Variants in GPHN observed in about 807,000 individuals in gnomAD.
GPHN encodes the protein gephyrin.
A neutral mutation model predicts 95.5 loss-of-function variants in GPHN; 17 were observed. The ratio of observed to expected loss-of-function variants is 0.18; its 90% CI spans 0.12 to 0.27. The LOEUF is 0.27. Among genes scored for constraint, GPHN ranks in the 10% least tolerant of loss-of-function variants. GPHN has a pLI of 1.00. For missense variants in GPHN, 660 were observed against 978.1 expected (o/e 0.67, Z 4.34); for synonymous variants, 320 against 322.5 (o/e 0.99, Z 0.08).
At chr14:66,728,403 T>C (rs1026317405) in intron 2 of GPHN, among the ~76,000 whole-genome samples, 1 of 152,176 alleles carries the variant, frequency 6.6e-6, no homozygotes, top group South Asian at 2.1e-4. Context: ...ACTGATAGCT[T>C]ATACTGTGCA....
At chr14:67,575,917 G>A in the GPHN span, 2 of 1,613,746 alleles carry the variant, frequency 1.2e-6, no homozygotes, top group Non-Finnish European at 1.7e-6. Context: ...GGAGGAACCA[G>A]ACGGTTGCTT....
chr14:67,620,981 T>TAA, the GPHN span: 1 of 1,612,884 alleles, frequency 6.2e-7, no homozygotes, highest in East Asian at 2.2e-5. Flanking sequence ...GTGGTTAGAT[T>TAA]TTTAGATATT....
At chr14:67,325,933 C>T in the GPHN span, among the ~76,000 whole-genome samples, 28 of 151,146 alleles carry the variant, frequency 1.9e-4, no homozygotes, top group South Asian at 1.0e-3. Flanking sequence ...CTCAGCCTCC[C>T]GAGTAGCTGG....
At chr14:66,882,768 T>C (rs181405291) in intron 5 of GPHN, among the ~76,000 whole-genome samples, 1 of 151,800 alleles carries the variant, frequency 6.6e-6, no homozygotes, top group East Asian at 1.9e-4. Context: ...TTTTCTTCAT[T>C]AGGAAATGTC....
chr14:67,600,331 T>G, the GPHN span: 1 of 776,532 alleles, frequency 1.3e-6, no homozygotes, highest in Non-Finnish European at 1.9e-6. Flanking sequence ...CTGCGCAGCC[T>G]CAGTTGCGCG....
At chr14:67,352,028 T>C in the GPHN span, among the ~76,000 whole-genome samples, 1 of 151,766 alleles carries the variant, frequency 6.6e-6, no homozygotes, top group Admixed American at 6.6e-5. Context: ...CTAACACCTG[T>C]AATCCCAGTG....
the GPHN span, among the ~76,000 whole-genome samples, chr14:67,317,791 C>CAAT: frequency 6.6e-6 from 1 of 152,202 alleles, no homozygotes; most frequent in Non-Finnish European, 1.5e-5. Context: ...ATGTCCTCTA[C>CAAT]AATAGCTCAT....
At chr14:67,663,599 A>G in the GPHN span, among the ~76,000 whole-genome samples, 23 of 152,176 alleles carry the variant, frequency 1.5e-4, no homozygotes, top group African/African-American at 5.5e-4. Context: ...GTGTGAACCC[A>G]GGAGGCGGAG....
chr14:66,837,610 AATAAAAAT>A (rs1196890777), intron 4 of GPHN, among the ~76,000 whole-genome samples: 106 of 130,122 alleles, frequency 8.1e-4, no homozygotes, highest in African/African-American at 3.2e-3. Flanking sequence ...TAAATAAATA[AATAAAAAT>A]AAATAAATAA....
intron 2 of GPHN, among the ~76,000 whole-genome samples, chr14:66,746,721 C>T (rs987843306): frequency 5.9e-5 from 9 of 152,042 alleles, no homozygotes; most frequent in African/African-American, 1.7e-4. Context: ...TGCAGTTTTA[C>T]GACATCCTCA....
the GPHN span, among the ~76,000 whole-genome samples, chr14:67,455,326 C>T: frequency 1.3e-5 from 2 of 152,132 alleles, no homozygotes. Context: ...CAAGGCCTTT[C>T]CTGTGCCATC....
chr14:67,106,628 A>G (rs561898691), intron 13 of GPHN, among the ~76,000 whole-genome samples: 1 of 152,124 alleles, frequency 6.6e-6, no homozygotes, highest in Admixed American at 6.5e-5. Flanking sequence ...CATTTTTTGA[A>G]TTATTCAGCT....
chr14:67,722,191 T>G, the GPHN span, among the ~76,000 whole-genome samples: 1 of 152,194 alleles, frequency 6.6e-6, no homozygotes, highest in African/African-American at 2.4e-5. Context: ...CTTCCCATCC[T>G]ATTTTAATCC....
At chr14:67,262,537 C>T in the GPHN span, among the ~76,000 whole-genome samples, 1 of 152,062 alleles carries the variant, frequency 6.6e-6, no homozygotes, top group Non-Finnish European at 1.5e-5. Flanking sequence ...ACTTTTCATT[C>T]CTTCTGCTAC....
intron 12 of GPHN, among the ~76,000 whole-genome samples, chr14:67,097,730 T>C (rs1466115768): frequency 6.6e-6 from 1 of 152,210 alleles, no homozygotes; most frequent in East Asian, 1.9e-4. Context: ...AATTTGTATT[T>C]ATATATTCAT....
the GPHN span, chr14:67,569,214 G>A: frequency 6.2e-7 from 1 of 1,609,282 alleles, no homozygotes; most frequent in South Asian, 1.1e-5. Context: ...ACTGCATGCT[G>A]CGGTGAGTTC....
Position 66,891,766 on chromosome 14 carries a change from T to A in GPHN, c.389+11733T>A, listed in dbSNP as rs529820350. 3.8e-3 allele frequency among the ~76,000 whole-genome samples: 583 copies of A among 151,978 alleles called. 5 individuals carry two copies. Among genetic ancestry groups the A allele is most frequent in the African/African-American group, 0.013 (554 of 41,466 alleles). On this transcript the variant is annotated intron_variant, in intron 5 of 22. Coordinates refer to ENST00000478722, the MANE Select transcript of GPHN (RefSeq NM_020806.5). ...ATTAATATTCTATATATATATATTT[T>A]TTTTAATTCCTACAAGTCAATAAAG...
At chr14:66,550,555 A>G (rs1170385806) in intron 1 of GPHN, among the ~76,000 whole-genome samples, 1 of 152,266 alleles carries the variant, frequency 6.6e-6, no homozygotes, top group Non-Finnish European at 1.5e-5. Flanking sequence ...ATAAAGCAGT[A>G]GCAGGGTTTG....
chr14:66,687,636 T>C (rs1237638843), intron 2 of GPHN, among the ~76,000 whole-genome samples: 3 of 151,854 alleles, frequency 2.0e-5, no homozygotes, highest in Admixed American at 6.6e-5. Context: ...ATTACAGGCA[T>C]GTGCCACCAT....
Sources: allele counts gnomAD v4.1 joint callset (sites outside exome capture counted in the v4.1 genomes callset), GRCh38; gene constraint gnomAD v4.1.1; transcripts MANE v1.5; gene names NCBI Gene and HGNC (gene_info 2026-07-23, HGNC 2026-07-21).